MGAT5: variants seen among roughly 807,000 people sequenced by gnomAD.
MGAT5 encodes the protein alpha-1,6-mannosylglycoprotein 6-beta-N-acetylglucosaminyltransferase A.
Under a neutral mutation model 94.3 loss-of-function variants are expected in MGAT5, and 30 were observed. The ratio of observed to expected loss-of-function variants is 0.32; its 90% CI spans 0.24 to 0.43. The LOEUF is 0.43. Among genes scored for constraint, MGAT5 ranks in the 20% least tolerant of loss-of-function variants. MGAT5 has a pLI of 1.00. For synonymous variants in MGAT5, 310 were observed against 322.9 expected, an observed-to-expected ratio of 0.96 and a Z score of 0.43; for missense variants, 691 against 905.5, an observed-to-expected ratio of 0.76 and a Z score of 3.04.
intron 4 of MGAT5, among the ~76,000 whole-genome samples, chr2:134,324,730 TAA>T (rs556940983): frequency 9.8e-4 from 149 of 152,218 alleles, no homozygotes; most frequent in African/African-American, 3.5e-3. Flanking sequence ...AACCTGAATG[TAA>T]AAACAACTAA....
intron 1 of MGAT5, among the ~76,000 whole-genome samples, chr2:134,246,460 C>A (rs572851600): frequency 2.0e-5 from 3 of 152,214 alleles, no homozygotes; most frequent in Non-Finnish European, 4.4e-5. Context: ...TGTCCCTTCT[C>A]CTCCTCTGCT....
At chr2:134,434,018 G>A (rs1410579183) in intron 14 of MGAT5, among the ~76,000 whole-genome samples, 1 of 152,144 alleles carries the variant, frequency 6.6e-6, no homozygotes, top group African/African-American at 2.4e-5. Context: ...GTGGGGTGAG[G>A]GGTTTCTGGA....
chr2:134,380,366 C>A (rs1353598168), intron 10 of MGAT5, among the ~76,000 whole-genome samples: 4 of 152,188 alleles, frequency 2.6e-5, no homozygotes, highest in Non-Finnish European at 4.4e-5. Context: ...CTGAAGTTAG[C>A]CTTTTAACGG....
Position 134,328,777 on chromosome 2 carries a change from G to T in MGAT5, c.574-7440G>T, listed in dbSNP as rs183754023. 2.6e-5 allele frequency among the ~76,000 whole-genome samples: 4 copies of T among 152,090 alleles called. No individual in the cohort carries two copies. The East Asian group carries it at 7.8e-4, about 30-fold the overall frequency. On this transcript the variant is annotated intron_variant, in intron 4 of 15. Transcript: ENST00000281923. ...AGTATATAAAAGAATTGCCTCAAGG[G>T]TTGAATACTCTGAGGAAAAATAAAC...
intron 1 of MGAT5, among the ~76,000 whole-genome samples, chr2:134,233,332 A>G (rs1348352458): frequency 6.6e-6 from 1 of 152,214 alleles, no homozygotes; most frequent in Non-Finnish European, 1.5e-5. Context: ...TCAGACTTTT[A>G]GGTGCTGACC....
intron 8 of MGAT5, 63 bp downstream of exon 8, chr2:134,345,127 G>A: frequency 6.5e-7 from 1 of 1,528,806 alleles, no homozygotes; most frequent in East Asian, 2.3e-5. Flanking sequence ...AGGTTGCATG[G>A]TTGTGGGTAG....
rs915978892 is a variant in MGAT5, at chr2:134,362,516, A to G, written c.1380+108A>G. ...AGCCAAGTGCCCAGGGCTTAATGGGATCTACTTAGACATAAACAAGAATGT... is the reference window on the plus strand; with the variant it reads ...AGCCAAGTGCCCAGGGCTTAATGGGGTCTACTTAGACATAAACAAGAATGT... On this transcript the variant is annotated intron_variant, in intron 10 of 15. Transcript: ENST00000281923. 3 of 1,324,016 alleles carry G rather than the reference A, an allele frequency of 2.3e-6. No homozygotes were observed. In the African/African-American group the frequency reaches 4.4e-5, roughly 19 times the overall value. 82.0% of individuals were successfully genotyped at this position (1,324,016 alleles called of 1,614,324 possible). A position where few individuals can be genotyped will look rare whatever the true frequency, so the allele number is the denominator to read the frequency against.
chr2:134,343,230 G>A (rs1688734147), intron 7 of MGAT5, among the ~76,000 whole-genome samples: 2 of 152,156 alleles, frequency 1.3e-5, no homozygotes, highest in South Asian at 4.1e-4. Context: ...TGTTCAGTAT[G>A]TCCTCACTTA....
chr2:134,233,075 C>T (rs1353036615), intron 1 of MGAT5, among the ~76,000 whole-genome samples: 2 of 152,184 alleles, frequency 1.3e-5, no homozygotes, highest in Non-Finnish European at 2.9e-5. Flanking sequence ...ATTCAGTTAG[C>T]TTAAAATGAT....
chr2:134,349,677 G>C, intron 8 of MGAT5, 128 bp from the exon 9 acceptor site: 1 of 1,021,038 alleles, frequency 9.8e-7, no homozygotes, highest in Admixed American at 2.3e-5. Context: ...CACAATTCTT[G>C]TCTGGTCCTG....
At chr2:134,401,539 G>C (rs1039473290) in intron 10 of MGAT5, among the ~76,000 whole-genome samples, 1 of 152,172 alleles carries the variant, frequency 6.6e-6, no homozygotes, top group African/African-American at 2.4e-5. Context: ...CAGGAGCTGT[G>C]GGTGGGGGCA....
rs1359112444 is a variant in MGAT5, at chr2:134,129,334, G to T, written c.-143+9043G>T. Among the ~76,000 whole-genome samples, 5 of 152,282 alleles carry T rather than the reference G, an allele frequency of 3.3e-5. No individual in the cohort carries two copies. The South Asian group carries it at 8.3e-4, about 25-fold the overall frequency. ...GTTCTCTGCTTTTCAGGATTGATGT[G>T]ATTAGATTAGACCAAGCAGGTTAAT... is the stretch of plus-strand genomic sequence containing the variant. On this transcript the variant is annotated intron_variant, in intron 1 of 16. Transcript: ENST00000409645.
At chr2:134,305,800 A>T (rs1172016990) in intron 2 of MGAT5, among the ~76,000 whole-genome samples, 3 of 152,138 alleles carry the variant, frequency 2.0e-5, no homozygotes, top group African/African-American at 7.2e-5. Context: ...ATGTGAGAAG[A>T]GGGGACTTGG....
In MGAT5 at chr2:134,293,917, A is replaced by T. The variant is rs549254657; in HGVS notation, c.406+23367A>T. The stretch of plus-strand genomic sequence containing the variant: ...CTCCTCATACAGAAGTGTGTGGAGG[A>T]TGTGAAACAGAGTAGGGAGGTAGGA... On this transcript the variant is annotated intron_variant, in intron 2 of 15. Coordinates refer to ENST00000281923, the MANE Select transcript of MGAT5 (RefSeq NM_002410.5). Among the ~76,000 whole-genome samples, 13 of 152,272 alleles carry T rather than the reference A, an allele frequency of 8.5e-5. No homozygotes were observed. In the South Asian group the frequency reaches 2.1e-3, roughly 24 times the overall value.
At chr2:134,175,180 G>A (rs1428891706) in intron 1 of MGAT5, among the ~76,000 whole-genome samples, 1 of 152,184 alleles carries the variant, frequency 6.6e-6, no homozygotes, top group Non-Finnish European at 1.5e-5. Context: ...TTCATGGCAA[G>A]AGATTTTCAT....
At chr2:134,436,029 A>C (rs1475537726) in intron 14 of MGAT5, among the ~76,000 whole-genome samples, 4 of 152,224 alleles carry the variant, frequency 2.6e-5, no homozygotes, top group Non-Finnish European at 5.9e-5. Context: ...TAATCAGCCA[A>C]CTCAACTTTT....
rs139782204 is a variant in MGAT5 at position 134,132,122 on chromosome 2, T to G, written c.-143+11831T>G. Among the ~76,000 whole-genome samples, 5 of 152,364 alleles carry G rather than the reference T, an allele frequency of 3.3e-5. No homozygotes were observed. In the East Asian group the frequency reaches 9.6e-4, roughly 29 times the overall value. ...CAGCTCGTATCAGATGTTTGAATAG[T>G]GTAGAAAGTAATTTTAGTGTCCTTT... is the stretch of plus-strand genomic sequence containing the variant. On this transcript the variant is annotated intron_variant, in intron 1 of 16. Transcript: ENST00000409645.
At chr2:134,334,496 CTTT>C (rs59933611) in intron 4 of MGAT5, among the ~76,000 whole-genome samples, 4 of 34,112 alleles carry the variant, frequency 1.2e-4, no homozygotes, top group Non-Finnish European at 2.0e-4. Context: ...CTTGCTCATC[CTTT>C]TTTTTTTTTT....
intron 1 of MGAT5, among the ~76,000 whole-genome samples, chr2:134,168,094 T>G (rs1163461422): frequency 1.3e-5 from 2 of 152,236 alleles, no homozygotes; most frequent in African/African-American, 2.4e-5. Flanking sequence ...TGCCTGTTTA[T>G]AATCCTATTA....
Sources: gnomAD v4.1 joint callset for allele counts (sites outside exome capture counted in the v4.1 genomes callset) on GRCh38, gnomAD v4.1.1 for gene constraint, MANE v1.5 for transcripts, NCBI Gene and HGNC (gene_info 2026-07-23, HGNC 2026-07-21) for gene names.